Variants in PPARGC1B observed in about 807,000 individuals in gnomAD.
The protein encoded by PPARGC1B is PPARG coactivator 1 beta.
A neutral mutation model predicts 101.6 loss-of-function variants in PPARGC1B; 34 were observed. That is an observed-to-expected ratio of 0.33 (90% confidence interval 0.25 to 0.45). The LOEUF (loss-of-function observed/expected upper bound fraction) is 0.45. Among genes scored for constraint, PPARGC1B ranks in the 20% least tolerant of loss-of-function variants. The pLI is 1.00. For synonymous variants in PPARGC1B, 548 were observed against 539.3 expected (o/e 1.02, Z -0.22); for missense variants, 1,234 against 1,317.6 (o/e 0.94, Z 0.98).
At chr5:149,756,905 T>C (rs1409585848) in intron 1 of PPARGC1B, among the ~76,000 whole-genome samples, 2 of 152,192 alleles carry the variant, frequency 1.3e-5, no homozygotes, top group African/African-American at 4.8e-5. Context: ...CTGGATCTCC[T>C]TGGCTTATTA....
intron 1 of PPARGC1B, among the ~76,000 whole-genome samples, chr5:149,731,524 C>T (rs899544080): frequency 6.7e-6 from 1 of 148,996 alleles, no homozygotes; most frequent in African/African-American, 2.5e-5. Context: ...CGGGCGGAAC[C>T]GGGCGCGGCT....
intron 1 of PPARGC1B, among the ~76,000 whole-genome samples, chr5:149,764,425 CTG>C (rs1288897637): frequency 2.0e-5 from 3 of 152,214 alleles, no homozygotes; most frequent in Admixed American, 6.5e-5. Context: ...GATGTGGAAA[CTG>C]TGCTTAGTGG....
intron 5 of PPARGC1B, among the ~76,000 whole-genome samples, chr5:149,834,090 A>G (rs1758943355): frequency 6.6e-6 from 1 of 152,254 alleles, no homozygotes; most frequent in Admixed American, 6.5e-5. Flanking sequence ...AGGTACTGTA[A>G]AGAAGACTCA....
chr5:149,732,132 AG>A (rs1754516889), intron 1 of PPARGC1B, among the ~76,000 whole-genome samples: 2 of 151,524 alleles, frequency 1.3e-5, no homozygotes. Flanking sequence ...ACTGCGGTGG[AG>A]CTCCCGCCGT....
intron 2 of PPARGC1B, among the ~76,000 whole-genome samples, chr5:149,824,993 A>T (rs997579811): frequency 6.6e-6 from 1 of 152,268 alleles, no homozygotes; most frequent in African/African-American, 2.4e-5. Flanking sequence ...CGTGTATTTC[A>T]GATGAACTTC....
intron 8 of PPARGC1B, among the ~76,000 whole-genome samples, chr5:149,839,123 A>G (rs563790176): frequency 6.6e-6 from 1 of 152,350 alleles, no homozygotes; most frequent in East Asian, 1.9e-4. Context: ...AGGCTCAAAG[A>G]GATTACATAG....
intron 1 of PPARGC1B, among the ~76,000 whole-genome samples, chr5:149,739,493 T>C (rs897719402): frequency 2.0e-4 from 31 of 152,098 alleles, no homozygotes; most frequent in Admixed American, 1.6e-3. Flanking sequence ...AGGGGGCCCT[T>C]GGAGATACAG....
At chr5:149,784,560 C>CTTTTTTTT (rs72364863) in intron 1 of PPARGC1B, among the ~76,000 whole-genome samples, 8 of 75,716 alleles carry the variant, frequency 1.1e-4, no homozygotes, top group Admixed American at 2.0e-4. Flanking sequence ...AACTGAGTTT[C>CTTTTTTTT]TTTTTTTTTT....
At chr5:149,806,591 T>C (rs1165710402) in intron 1 of PPARGC1B, among the ~76,000 whole-genome samples, 1 of 127,888 alleles carries the variant, frequency 7.8e-6, no homozygotes, top group Non-Finnish European at 1.6e-5. Context: ...ACACTTTGTT[T>C]TTTTAGGTCT....
At chr5:149,834,568 G>A (rs891671474) in intron 5 of PPARGC1B, 106 bp from the exon 6 acceptor site, 3 of 971,714 alleles carry the variant, frequency 3.1e-6, no homozygotes, top group South Asian at 1.6e-5. Context: ...TGCCCAAAGG[G>A]CAGCTGTGCT....
chr5:149,805,432 CTATT>C lies in PPARGC1B; in HGVS notation c.79-14987_79-14984del, dbSNP rs577586889. The stretch of plus-strand genomic sequence containing the variant: ...GTGTAAGAAAGAAATAGAAATATGG[CTATT>C]TATTTATTTATTTGTTTTTTTGAGA... On this transcript the variant is annotated intron_variant, in intron 1 of 11. Transcript: ENST00000309241. 6.2e-3 allele frequency among the ~76,000 whole-genome samples: 941 copies of C among 152,198 alleles called. 7 individuals carry two copies. The highest frequency in any genetic ancestry group is 0.017 in the Middle Eastern group (5 of 294).
At chr5:149,747,780 C>T (rs1202684825) in intron 1 of PPARGC1B, among the ~76,000 whole-genome samples, 5 of 152,200 alleles carry the variant, frequency 3.3e-5, no homozygotes, top group African/African-American at 9.7e-5. Context: ...CCCACTGTGC[C>T]TGCATCCACA....
chr5:149,731,501 G>A (rs1209716031), intron 1 of PPARGC1B, among the ~76,000 whole-genome samples: 1 of 152,184 alleles, frequency 6.6e-6, no homozygotes, highest in Non-Finnish European at 1.5e-5. Context: ...GCCTGGGCAC[G>A]GAGAGGGGCG....
At chr5:149,794,545 CACACACACAT>C (rs1757138923) in intron 1 of PPARGC1B, among the ~76,000 whole-genome samples, 1 of 144,434 alleles carries the variant, frequency 6.9e-6, no homozygotes, top group Non-Finnish European at 1.6e-5. Flanking sequence ...CACACACACA[CACACACACAT>C]TCAAGCAAAA....
At chr5:149,841,851 T>G (rs1759351248) in intron 9 of PPARGC1B, among the ~76,000 whole-genome samples, 1 of 152,274 alleles carries the variant, frequency 6.6e-6, no homozygotes, top group East Asian at 1.9e-4. Flanking sequence ...CCCATTACCC[T>G]TCCTTCCAGC....
At chr5:149,828,314 T>A (rs1758608306) in intron 3 of PPARGC1B, among the ~76,000 whole-genome samples, 1 of 152,218 alleles carries the variant, frequency 6.6e-6, no homozygotes. Flanking sequence ...ATCCCAGCCC[T>A]GCCATTTAGT....
At chr5:149,814,789 G>A (rs1561575767) in intron 1 of PPARGC1B, among the ~76,000 whole-genome samples, 1 of 152,200 alleles carries the variant, frequency 6.6e-6, no homozygotes, top group South Asian at 2.1e-4. Context: ...ATTAATCCAC[G>A]GCCAGGGTTA....
chr5:149,815,360 T>C (rs109075), intron 1 of PPARGC1B, among the ~76,000 whole-genome samples: 63,255 of 151,590 alleles, frequency 0.42, 14,883 homozygotes, highest in African/African-American at 0.63. Context: ...GAGACAGATA[T>C]GCATAGAGGG....
intron 1 of PPARGC1B, among the ~76,000 whole-genome samples, chr5:149,742,808 G>T (rs1004254952): frequency 6.6e-6 from 1 of 152,206 alleles, no homozygotes; most frequent in African/African-American, 2.4e-5. Context: ...CAGAGCACAT[G>T]GTCCTAACAA....
Sources: allele counts gnomAD v4.1 joint callset (sites outside exome capture counted in the v4.1 genomes callset), GRCh38; gene constraint gnomAD v4.1.1; transcripts MANE v1.5; gene names NCBI Gene and HGNC (gene_info 2026-07-23, HGNC 2026-07-21).